SELENOO: variants seen among roughly 807,000 people sequenced by gnomAD.
The protein encoded by SELENOO is selenoprotein O.
SELENOO carries 74 observed loss-of-function variants against 58.7 expected under a neutral mutation model. The observed-to-expected ratio is 1.26, with a 90% CI of 1.04 to 1.53. The LOEUF (loss-of-function observed/expected upper bound fraction) is 1.53, where lower values mean the gene tolerates loss of function less well. SELENOO is among the 40% of genes most tolerant of loss of function. The pLI, the probability that SELENOO is intolerant of heterozygous loss-of-function variation, is 0.00. For missense variants in SELENOO, 1,149 were observed against 970.0 expected (o/e 1.18, Z -2.45); for synonymous variants, 543 against 453.2 (o/e 1.20, Z -2.52).
At chr22:50,207,268 C>T (rs1019084207) in intron 2 of SELENOO, among the ~76,000 whole-genome samples, 55 of 152,064 alleles carry the variant, frequency 3.6e-4, no homozygotes, top group African/African-American at 1.3e-3. Context: ...GGGTTACAGA[C>T]GTGCGCCACC....
At chr22:50,208,906 T>G in intron 3 of SELENOO, 190 bp downstream of exon 3, 1 of 518,146 alleles carries the variant, frequency 1.9e-6, no homozygotes, top group Non-Finnish European at 3.4e-6. Context: ...GAAACTCCCC[T>G]GGGCTCCGTG....
intron 1 of SELENOO, among the ~76,000 whole-genome samples, chr22:50,203,593 A>G (rs746424426): frequency 6.6e-6 from 1 of 152,252 alleles, no homozygotes; most frequent in African/African-American, 2.4e-5. Flanking sequence ...CAAATTTTCA[A>G]CAAGTGTGCT....
Position 50,201,255 on chromosome 22 carries a change from G to A in SELENOO, c.219G>A (p.Ala73=), listed in dbSNP as rs2064297286. 1.9e-6 allele frequency: 2 copies of A among 1,072,048 alleles called. No homozygotes were observed. The highest frequency in any genetic ancestry group is 5.3e-5 in the Admixed American group (1 of 18,782). 66.4% of individuals were successfully genotyped at this position (1,072,048 alleles called of 1,614,324 possible). ...PPPGPEGAPS[A]PRPVPGACFT... ...CCGGTCCCGAGGGCGCCCCGTCCGC[G>A]CCGCGGCCCGTGCCCGGGGCCTGCT... The change falls in exon 1 of 9, where the codon GCG becomes GCA. Residue 73 remains alanine (A), a synonymous_variant. Coordinates refer to ENST00000380903, the MANE Select transcript of SELENOO (RefSeq NM_031454.2).
In SELENOO at chr22:50,217,269, C is replaced by G; in HGVS notation, c.1910C>G (p.Ala637Gly). 6.2e-7 allele frequency: 1 copy of G among 1,612,182 alleles called. No homozygotes were observed. Among genetic ancestry groups the G allele is most frequent in the South Asian group, 1.1e-5 (1 of 91,042 alleles). The part of the protein sequence containing the change: ...YHCEAGAATD[A>G]EATEADGADG... ...TGCGAGGCGGGGGCCGCCACAGACGCCGAGGCCACGGAAGCCGACGGGGCG... is the reference window on the plus strand; with the variant it reads ...TGCGAGGCGGGGGCCGCCACAGACGGCGAGGCCACGGAAGCCGACGGGGCG... Residue 637 changes from alanine to glycine, a missense_variant, in exon 9 of 9, where the codon GCC (alanine) becomes GGC (glycine). Physicochemically the swap from Ala to Gly is moderately conservative, Grantham distance 60 (BLOSUM62 0). Coordinates refer to ENST00000380903, the MANE Select transcript of SELENOO (RefSeq NM_031454.2).
At chr22:50,216,907 C>T (rs373716700) in intron 7 of SELENOO, 31 bp downstream of exon 7, 122 of 1,601,700 alleles carry the variant, frequency 7.6e-5, no homozygotes, top group African/African-American at 1.1e-4. Flanking sequence ...CACCGGGGGA[C>T]GGCGGGTCGC....
intron 3 of SELENOO, among the ~76,000 whole-genome samples, 170 bp from the exon 4 acceptor site, chr22:50,210,011 G>A (rs1051281274): frequency 1.3e-5 from 2 of 152,220 alleles, no homozygotes; most frequent in Non-Finnish European, 2.9e-5. Flanking sequence ...ACTCTTCATC[G>A]CCACCTTGTG....
chr22:50,216,949 C>G (rs756554245), intron 7 of SELENOO, 23 bp from the exon 8 acceptor site: 3 of 1,605,094 alleles, frequency 1.9e-6, no homozygotes, highest in Non-Finnish European at 2.6e-6. Context: ...GGCTGTGACT[C>G]CAGAGCCCGG....
chr22:50,210,838 G>A lies in SELENOO; in HGVS notation c.1278G>A (p.Leu426=). 1 of 1,614,138 alleles carries A rather than the reference G, an allele frequency of 6.2e-7. No homozygotes were observed. ...RHYLQKMRRK[L]GLVQVELEED... is the part of the protein sequence containing the mutation. ...ACCTGCAGAAGATGCGCAGGAAGCTGGGCCTCGTGCAGGTGGAGCTGGAGG... is the reference window on the plus strand; with the variant it reads ...ACCTGCAGAAGATGCGCAGGAAGCTAGGCCTCGTGCAGGTGGAGCTGGAGG... Residue 426 remains leucine (L), a synonymous_variant, in exon 5 of 9, where the codon CTG becomes CTA. Coordinates refer to ENST00000380903, the MANE Select transcript of SELENOO (RefSeq NM_031454.2).
chr22:50,214,917 T>C (rs2064395151), intron 5 of SELENOO, among the ~76,000 whole-genome samples: 1 of 152,230 alleles, frequency 6.6e-6, no homozygotes, highest in African/African-American at 2.4e-5. Context: ...GAAATCGTCT[T>C]TTCACCCACT....
intron 2 of SELENOO, among the ~76,000 whole-genome samples, chr22:50,207,248 C>CA (rs961230406): frequency 1.3e-5 from 2 of 152,118 alleles, no homozygotes; most frequent in Non-Finnish European, 2.9e-5. Context: ...TCAGTCCCCC[C>CA]AAATAGCTGG....
intron 5 of SELENOO, among the ~76,000 whole-genome samples, chr22:50,214,786 C>T (rs2064394453): frequency 4.6e-5 from 7 of 152,214 alleles, no homozygotes; most frequent in Admixed American, 4.6e-4. Context: ...AACTTATCTG[C>T]TGTGAGTTTA....
In SELENOO at chr22:50,206,542, C is replaced by T. The variant is rs2064334442; in HGVS notation, c.758+22C>T. 7 of 1,590,338 alleles carry T rather than the reference C, an allele frequency of 4.4e-6. No homozygotes were observed. In the East Asian group the frequency reaches 1.1e-4, roughly 26 times the overall value. ...TAAGGTAATGCCGGGGGCCTTTCGG[C>T]CTGTCTACACGCACTTGCTTAGAGT... On this transcript the variant is annotated intron_variant, in intron 2 of 8. Transcript: ENST00000380903.
At position 50,206,400 on chromosome 22, in the gene SELENOO, C is replaced by T; in HGVS notation, c.638C>T (p.Thr213Ile). ...GCCATGTTCCACCTGGGAGTCCCCA[C>T]CACACGGGCCGGCGCCTGCGTCACG... ...SEAMFHLGVP[T>I]TRAGACVTSE... The change falls in exon 2 of 9, where the codon ACC (threonine) becomes ATC (isoleucine). Residue 213 changes from threonine to isoleucine, a missense_variant. Coordinates refer to ENST00000380903, the MANE Select transcript of SELENOO (RefSeq NM_031454.2). 2 of 1,614,194 alleles carry T rather than the reference C, an allele frequency of 1.2e-6. No homozygotes were observed. Among genetic ancestry groups the T allele is most frequent in the Non-Finnish European group, 1.7e-6 (2 of 1,180,044 alleles).
At position 50,210,822 on chromosome 22, in the gene SELENOO, A is replaced by C; in HGVS notation, c.1262A>C (p.Lys421Thr). ...DAEFQRHYLQ[K>T]MRRKLGLVQV... is the part of the protein sequence containing the mutation. ...GAGTTCCAAAGGCACTACCTGCAGA[A>C]GATGCGCAGGAAGCTGGGCCTCGTG... Residue 421 changes from lysine to threonine, a missense_variant, in exon 5 of 9, where the codon AAG becomes ACG. Physicochemically the swap from Lys to Thr is moderately conservative, Grantham distance 78. Transcript: ENST00000380903. The C allele has an allele frequency of 6.2e-7, 1 of 1,614,094 alleles. No homozygotes were observed. The highest frequency in any genetic ancestry group is 8.5e-7 in the Non-Finnish European group (1 of 1,180,020).
chr22:50,204,815 T>C (rs1288093646), intron 1 of SELENOO, among the ~76,000 whole-genome samples: 1 of 152,210 alleles, frequency 6.6e-6, no homozygotes, highest in African/African-American at 2.4e-5. Flanking sequence ...ATCTCAAGAT[T>C]TGTATACCGA....
chr22:50,213,344 G>A (rs1030752464), intron 5 of SELENOO, among the ~76,000 whole-genome samples: 3 of 151,888 alleles, frequency 2.0e-5, no homozygotes, highest in South Asian at 2.1e-4. Context: ...GGGATGAGCC[G>A]CCGCGCCCAG....
chr22:50,212,594 C>T (rs949123651), intron 5 of SELENOO, among the ~76,000 whole-genome samples: 2 of 152,172 alleles, frequency 1.3e-5, no homozygotes, highest in African/African-American at 2.4e-5. Context: ...CTGTGTGAGC[C>T]GGTTACCAGC....
intron 5 of SELENOO, among the ~76,000 whole-genome samples, chr22:50,213,127 C>A (rs778451027): frequency 1.3e-5 from 2 of 152,134 alleles, no homozygotes; most frequent in South Asian, 4.1e-4. Flanking sequence ...GTGGCATGAT[C>A]TTGGCTCACT....
At position 50,210,794 on chromosome 22, in the gene SELENOO, G is replaced by A. The variant is rs200138432; in HGVS notation, c.1234G>A (p.Ala412Thr). 13 of 1,613,834 alleles carry A rather than the reference G, an allele frequency of 8.1e-6. No individual in the cohort carries two copies. The highest frequency in any genetic ancestry group is 4.4e-5 in the South Asian group (4 of 91,086). Reference sequence around the variant, plus strand: ...GGCCATCCTGGCCGAGGAGTTTGACGCCGAGTTCCAAAGGCACTACCTGCA... The same window carrying A: ...GGCCATCCTGGCCGAGGAGTTTGACACCGAGTTCCAAAGGCACTACCTGCA... ...GEAILAEEFD[A>T]EFQRHYLQKM... Residue 412 changes from alanine (A) to threonine (T), a missense_variant, in exon 5 of 9, where the codon GCC becomes ACC. By Grantham distance (58) the Ala-to-Thr change is moderately conservative. Coordinates refer to ENST00000380903, the MANE Select transcript of SELENOO (RefSeq NM_031454.2).
Sources: gnomAD v4.1 joint callset for allele counts (sites outside exome capture counted in the v4.1 genomes callset) on GRCh38, gnomAD v4.1.1 for gene constraint, MANE v1.5 for transcripts, NCBI Gene and HGNC (gene_info 2026-07-23, HGNC 2026-07-21) for gene names.